RELN: variants seen among roughly 807,000 people sequenced by gnomAD.
RELN encodes reelin.
In RELN, 108 loss-of-function variants were observed where a neutral mutation model predicts 427.6. That is an observed-to-expected ratio of 0.25 (90% CI 0.22 to 0.30). The LOEUF (loss-of-function observed/expected upper bound fraction) is 0.30, where lower values mean the gene tolerates loss of function less well. Among genes scored for constraint, RELN ranks in the 10% least tolerant of loss-of-function variants. The pLI is 1.00. For synonymous variants in RELN, 1,524 were observed against 1,513.4 expected (o/e 1.01, Z -0.16); for missense variants, 3,715 against 4,302.8 (o/e 0.86, Z 3.82).
Position 103,603,630 on chromosome 7 carries a change from T to C in RELN, c.3147-140A>G. 2 of 725,304 alleles carry C rather than the reference T, an allele frequency of 2.8e-6. No homozygotes were observed. The highest frequency in any genetic ancestry group is 5.0e-6 in the Non-Finnish European group (2 of 401,752). The allele number at this position is 725,304 out of a possible 1,614,324, so 44.9% of individuals were successfully genotyped here. ...TAGATTCTTCCCTACAGTGTTAATC[T>C]GGGTATGCGGTAGTAACAACCCTCA... On this transcript the variant is annotated intron_variant, in intron 23 of 64. Transcript: ENST00000428762. The surrounding 1 kb of genome is among the most constrained non-coding windows in gnomAD (Gnocchi z 4.3).
intron 8 of RELN, among the ~76,000 whole-genome samples, chr7:103,716,411 C>G (rs544305446): frequency 6.6e-6 from 1 of 152,114 alleles, no homozygotes; most frequent in African/African-American, 2.4e-5. Flanking sequence ...CTACAGGGAA[C>G]GTAAGCACAT....
chr7:103,535,658 A>C (rs1325584552), intron 45 of RELN, among the ~76,000 whole-genome samples, 174 bp from the exon 46 acceptor site: 1 of 152,032 alleles, frequency 6.6e-6, no homozygotes, highest in East Asian at 1.9e-4. Context: ...CTCTCTGTAT[A>C]TTACTAGCTA....
Position 103,730,146 on chromosome 7 carries a change from C to T in RELN, c.657-1939G>A, listed in dbSNP as rs536589705. On this transcript the variant is annotated intron_variant, in intron 6 of 64. Transcript: ENST00000428762. ...AAAGTAAAAGAATGTTCAAACCTCA[C>T]AATGGCTATCTGCCATTTGTCTCCA... 2.8e-3 allele frequency among the ~76,000 whole-genome samples: 423 copies of T among 152,188 alleles called. 1 individual carries two copies. Among genetic ancestry groups the T allele is most frequent in the African/African-American group, 9.9e-3 (412 of 41,544 alleles).
chr7:103,858,660 A>G (rs1451267433), intron 2 of RELN, among the ~76,000 whole-genome samples: 1 of 152,206 alleles, frequency 6.6e-6, no homozygotes, highest in Middle Eastern at 3.2e-3. Context: ...ACCTGCACCA[A>G]CACTGTCATT....
At position 103,603,967 on chromosome 7, in the gene RELN, A is replaced by T. The variant is rs1412697024; in HGVS notation, c.3146+379T>A. On this transcript the variant is annotated intron_variant, in intron 23 of 64. Coordinates refer to ENST00000428762, the MANE Select transcript of RELN (RefSeq NM_005045.4). The surrounding 1 kb of genome is among the most constrained non-coding windows in gnomAD (Gnocchi z 4.3). ...TCTGTCCTCATTAGCAATAATCACCATCTCCCCATGTATACAACCTTGAAC... is the reference window on the plus strand; with the variant it reads ...TCTGTCCTCATTAGCAATAATCACCTTCTCCCCATGTATACAACCTTGAAC... Among the ~76,000 whole-genome samples, 2 of 152,118 alleles carry T rather than the reference A, an allele frequency of 1.3e-5. No individual in the cohort carries two copies. The highest frequency in any genetic ancestry group is 2.9e-5 in the Non-Finnish European group (2 of 68,040).
At chr7:103,935,398 T>C (rs1271013517) in intron 1 of RELN, among the ~76,000 whole-genome samples, 1 of 152,144 alleles carries the variant, frequency 6.6e-6, no homozygotes, top group Non-Finnish European at 1.5e-5. Context: ...GTCTACTCTC[T>C]TCCCTTAGCT....
chr7:103,558,658 C>T (rs1254541088), intron 36 of RELN, among the ~76,000 whole-genome samples: 5 of 152,194 alleles, frequency 3.3e-5, no homozygotes, highest in Admixed American at 1.3e-4. Context: ...CATTAGCTTT[C>T]GTAATTTTTT....
At chr7:103,652,893 T>G (rs1373588598) in intron 13 of RELN, 134 bp from the exon 14 acceptor site, 1 of 767,132 alleles carries the variant, frequency 1.3e-6, no homozygotes, top group Admixed American at 2.1e-5. Flanking sequence ...TCCTTTGTGT[T>G]GCATTTGTTA....
chr7:103,826,320 A>ATGTGTGTGTGTGTGTG (rs71154374), intron 3 of RELN, among the ~76,000 whole-genome samples: 1,273 of 121,956 alleles, frequency 0.01, 10 homozygotes, highest in Admixed American at 0.017. Context: ...GACTAAGACA[A>ATGTGTGTGTGTGTGTG]TGTGTGTGTG....
intron 64 of RELN, among the ~76,000 whole-genome samples, chr7:103,476,186 T>TG (rs1375004210): frequency 6.6e-6 from 1 of 152,166 alleles, no homozygotes; most frequent in Non-Finnish European, 1.5e-5. Flanking sequence ...AAATGGCAGC[T>TG]GGGTGCAGTG....
chr7:103,977,044 C>T (rs988565011), intron 1 of RELN, among the ~76,000 whole-genome samples: 1 of 151,776 alleles, frequency 6.6e-6, no homozygotes, highest in Non-Finnish European at 1.5e-5. Flanking sequence ...GGCGTGGGAA[C>T]TCACGCCTGT....
intron 3 of RELN, among the ~76,000 whole-genome samples, chr7:103,823,047 T>A (rs1473380209): frequency 6.6e-6 from 1 of 152,120 alleles, no homozygotes; most frequent in Non-Finnish European, 1.5e-5. Context: ...CAATTTTGTA[T>A]GTTTCCTTCA....
chr7:103,695,666 G>C (rs1014542682), intron 10 of RELN, among the ~76,000 whole-genome samples: 5 of 152,098 alleles, frequency 3.3e-5, no homozygotes, highest in African/African-American at 1.2e-4. Context: ...AGGGTACTCA[G>C]ACCAAATGAT....
intron 7 of RELN, among the ~76,000 whole-genome samples, chr7:103,724,739 C>T (rs1790162062): frequency 6.6e-6 from 1 of 151,548 alleles, no homozygotes. Flanking sequence ...ATGGTTGACT[C>T]TCATTTCTTT....
intron 11 of RELN, among the ~76,000 whole-genome samples, chr7:103,664,646 AT>A (rs1239258565): frequency 2.0e-5 from 3 of 152,152 alleles, no homozygotes; most frequent in African/African-American, 7.2e-5. Context: ...CCATCACTTC[AT>A]TTTGTCAAGC....
intron 8 of RELN, among the ~76,000 whole-genome samples, chr7:103,703,848 G>A (rs2299370): frequency 0.12 from 18,586 of 152,054 alleles, 1,229 homozygotes; most frequent in Middle Eastern, 0.25. Flanking sequence ...AACTTAAACT[G>A]GTCTAAAAAT....
chr7:103,848,999 A>G (rs1245164118), intron 2 of RELN, among the ~76,000 whole-genome samples: 1 of 152,182 alleles, frequency 6.6e-6, no homozygotes, highest in East Asian at 1.9e-4. Flanking sequence ...TACCTGGGAC[A>G]GCCTAACAGA....
At chr7:103,948,966 G>A (rs1337910009) in intron 1 of RELN, among the ~76,000 whole-genome samples, 7 of 144,914 alleles carry the variant, frequency 4.8e-5, no homozygotes, top group Non-Finnish European at 8.9e-5. Flanking sequence ...AATGAGCCTC[G>A]GCCCTTGATT....
At position 103,921,581 on chromosome 7, in the gene RELN, A is replaced by G. The variant is rs116370516; in HGVS notation, c.227-4396T>C. 4.4e-3 allele frequency among the ~76,000 whole-genome samples: 671 copies of G among 152,314 alleles called. 3 individuals are homozygous for G. The highest frequency in any genetic ancestry group is 0.015 in the African/African-American group (621 of 41,568). On this transcript the variant is annotated intron_variant, in intron 1 of 64. Coordinates refer to ENST00000428762, the MANE Select transcript of RELN (RefSeq NM_005045.4). ...TTTAAGGGGGAAATAAAGCATGTATATTATTATCTATAATTAGAAAGCAAA... is the reference window on the plus strand; with the variant it reads ...TTTAAGGGGGAAATAAAGCATGTATGTTATTATCTATAATTAGAAAGCAAA...
Sources: gnomAD v4.1 joint callset for allele counts (sites outside exome capture counted in the v4.1 genomes callset) on GRCh38, gnomAD v4.1.1 for gene constraint, Gnocchi (gnomAD v3.1) non-coding constraint, MANE v1.5 for transcripts, NCBI Gene and HGNC (gene_info 2026-07-23, HGNC 2026-07-21) for gene names.